Variants in GABRB1 observed in about 807,000 individuals in gnomAD.
GABRB1 encodes gamma-aminobutyric acid receptor subunit beta-1.
GABRB1 carries 17 observed loss-of-function variants against 51.6 expected under a neutral mutation model. The observed-to-expected ratio is 0.33, with a 90% CI of 0.23 to 0.49. GABRB1 has a LOEUF of 0.49. Among genes scored for constraint, GABRB1 ranks in the 20% least tolerant of loss-of-function variants. The pLI, the probability that GABRB1 is intolerant of heterozygous loss-of-function variation, is 0.99. For synonymous variants in GABRB1, 247 were observed against 218.9 expected (o/e 1.13, Z -1.14); for missense variants, 410 against 600.6 (o/e 0.68, Z 3.32).
intron 4 of GABRB1, among the ~76,000 whole-genome samples, chr4:47,185,570 A>G (rs1719141862): frequency 6.6e-6 from 1 of 151,794 alleles, no homozygotes; most frequent in Non-Finnish European, 1.5e-5. Context: ...TGTAAAAAAA[A>G]TGGTATGGTG....
chr4:47,222,544 G>A (rs1490031089), intron 4 of GABRB1, among the ~76,000 whole-genome samples: 1 of 152,088 alleles, frequency 6.6e-6, no homozygotes, highest in Non-Finnish European at 1.5e-5. Flanking sequence ...GGAATATAGG[G>A]TTAAAGAGGC....
intron 3 of GABRB1, among the ~76,000 whole-genome samples, chr4:47,043,606 T>C (rs149913307): frequency 1.1e-3 from 168 of 152,168 alleles, no homozygotes; most frequent in African/African-American, 3.6e-3. Context: ...TTCTGCAAAA[T>C]GGACAGAGAT....
chr4:47,211,460 G>T (rs1468286416), intron 4 of GABRB1, among the ~76,000 whole-genome samples: 4 of 152,224 alleles, frequency 2.6e-5, no homozygotes, highest in African/African-American at 9.6e-5. Flanking sequence ...TTTCTGTCAG[G>T]AGACAGATGA....
At chr4:47,028,700 A>T (rs981055462), upstream of GABRB1, among the ~76,000 whole-genome samples, 1 of 150,832 alleles carries the variant, frequency 6.6e-6, no homozygotes, top group African/African-American at 2.4e-5. Flanking sequence ...TATCCTTCTT[A>T]TTTTTGTTCT....
At chr4:47,368,599 C>T (rs1727075315) in intron 5 of GABRB1, among the ~76,000 whole-genome samples, 1 of 152,138 alleles carries the variant, frequency 6.6e-6, no homozygotes, top group African/African-American at 2.4e-5. Context: ...TCCCAGAAAT[C>T]TTACAGGGAG....
At chr4:47,056,923 T>C (rs1726633731) in intron 3 of GABRB1, among the ~76,000 whole-genome samples, 1 of 152,070 alleles carries the variant, frequency 6.6e-6, no homozygotes, top group Admixed American at 6.5e-5. Context: ...CTGCCCAACA[T>C]GGTGAAACCC....
intron 4 of GABRB1, among the ~76,000 whole-genome samples, chr4:47,291,886 G>C (rs1723751584): frequency 6.6e-6 from 1 of 152,208 alleles, no homozygotes; most frequent in South Asian, 2.1e-4. Context: ...AGGTGGAAGG[G>C]ACTTGCCTTG....
chr4:47,199,331 C>A (rs1719809150), intron 4 of GABRB1, among the ~76,000 whole-genome samples: 1 of 152,026 alleles, frequency 6.6e-6, no homozygotes, highest in Non-Finnish European at 1.5e-5. Context: ...CTCTGACAAC[C>A]AAAAGGTCAG....
At chr4:47,399,947 G>T (rs1662595715) in intron 5 of GABRB1, among the ~76,000 whole-genome samples, 1 of 152,138 alleles carries the variant, frequency 6.6e-6, no homozygotes, top group African/African-American at 2.4e-5. Context: ...TTGCCAATCT[G>T]CAAAATAATT....
chr4:47,164,007 G>A (rs1365096629), intron 4 of GABRB1, among the ~76,000 whole-genome samples: 4 of 152,072 alleles, frequency 2.6e-5, no homozygotes, highest in Admixed American at 2.6e-4. Context: ...AAGCAGGCAT[G>A]TCTTACATGG....
intron 4 of GABRB1, among the ~76,000 whole-genome samples, chr4:47,316,333 A>G (rs955654632): frequency 2.4e-4 from 37 of 151,940 alleles, no homozygotes; most frequent in African/African-American, 8.9e-4. Flanking sequence ...AACATGCAAT[A>G]TTAGTATTTC....
At chr4:47,122,135 T>G (rs1389183506) in intron 3 of GABRB1, among the ~76,000 whole-genome samples, 1 of 152,190 alleles carries the variant, frequency 6.6e-6, no homozygotes, top group East Asian at 1.9e-4. Flanking sequence ...ATCCTAGTTC[T>G]GTAACACTGC....
At chr4:47,079,807 A>T (rs1727744186) in intron 3 of GABRB1, among the ~76,000 whole-genome samples, 1 of 128,532 alleles carries the variant, frequency 7.8e-6, no homozygotes, top group South Asian at 2.5e-4. Flanking sequence ...ATGAGAACAC[A>T]TGGACACAGG....
intron 3 of GABRB1, among the ~76,000 whole-genome samples, chr4:47,159,129 A>AG (rs1717827893): frequency 6.6e-6 from 1 of 151,274 alleles, no homozygotes; most frequent in Non-Finnish European, 1.5e-5. Context: ...AAAAAGAAAA[A>AG]AAAAATAGCC....
chr4:47,094,474 C>CGGCCTCCCAAAGTACTGGGATTACA (rs1714296341), intron 3 of GABRB1, among the ~76,000 whole-genome samples: 1 of 151,908 alleles, frequency 6.6e-6, no homozygotes. Flanking sequence ...CCACCCGCCT[C>CGGCCTCCCAAAGTACTGGGATTACA]GGCCTCCCAA....
intron 8 of GABRB1, among the ~76,000 whole-genome samples, chr4:47,414,788 G>A (rs1401719346): frequency 2.6e-5 from 4 of 152,152 alleles, no homozygotes; most frequent in Admixed American, 2.6e-4. Flanking sequence ...CTGTATTGTG[G>A]TTAATTCCAG....
In GABRB1 at chr4:47,123,836, T is replaced by A. The variant is rs796205758; in HGVS notation, c.241-37413T>A. On this transcript the variant is annotated intron_variant, in intron 3 of 8. Transcript: ENST00000295454. ...TTATATATTATATTATATTATATAT[T>A]ATATTATATATATTATATCATATAT... Among the ~76,000 whole-genome samples the A allele has an allele frequency of 8.2e-5, 7 of 84,882 alleles. No individual in the cohort carries two copies. The South Asian group carries it at 2.0e-3, about 24-fold the overall frequency. The allele number at this position is 84,882 out of a possible 152,430, so 55.7% of individuals were successfully genotyped here.
intron 5 of GABRB1, among the ~76,000 whole-genome samples, chr4:47,354,646 T>C (rs934926885): frequency 1.3e-5 from 2 of 152,158 alleles, no homozygotes; most frequent in Non-Finnish European, 2.9e-5. Flanking sequence ...TTCTTGATAT[T>C]TGTTATTAAG....
At chr4:47,385,241 T>C (rs1191714703) in intron 5 of GABRB1, among the ~76,000 whole-genome samples, 1 of 152,212 alleles carries the variant, frequency 6.6e-6, no homozygotes, top group Non-Finnish European at 1.5e-5. Flanking sequence ...GTCAAGGTTG[T>C]CTGAATTTTG....
Sources: gnomAD v4.1 joint callset for allele counts (sites outside exome capture counted in the v4.1 genomes callset) on GRCh38, gnomAD v4.1.1 for gene constraint, MANE v1.5 for transcripts, NCBI Gene and HGNC (gene_info 2026-07-23, HGNC 2026-07-21) for gene names.